The following COPG1 variants were observed in gnomAD, a reference collection of about 807,000 sequenced individuals.
COPG1 encodes the protein coat protein complex I subunit gamma 1.
Under a neutral mutation model 102.8 loss-of-function variants are expected in COPG1, and 29 were observed. The ratio of observed to expected loss-of-function variants is 0.28; its 90% CI spans 0.21 to 0.38. The LOEUF (loss-of-function observed/expected upper bound fraction) is 0.38, where lower values mean the gene tolerates loss of function less well. Ranked by LOEUF, COPG1 falls within the 10% of genes least tolerant of loss-of-function variation. The pLI is 1.00. For missense variants in COPG1, 875 were observed against 1,132.7 expected (o/e 0.77, Z 3.27); for synonymous variants, 406 against 421.6 (o/e 0.96, Z 0.45).
intron 15 of COPG1, among the ~76,000 whole-genome samples, 194 bp from the exon 16 acceptor site, chr3:129,267,743 T>G (rs188531167): frequency 3.4e-4 from 52 of 152,318 alleles, no homozygotes; most frequent in Admixed American, 4.6e-4. Context: ...AACCTGAGTT[T>G]AAAACATTTC....
At chr3:129,260,539 G>T in intron 11 of COPG1, 80 bp from the exon 12 acceptor site, 2 of 1,535,036 alleles carry the variant, frequency 1.3e-6, no homozygotes, top group Non-Finnish European at 1.8e-6. Context: ...TCATCCAAAG[G>T]ACTTCTGACT....
chr3:129,269,816 C>G (rs1393433571), intron 18 of COPG1, among the ~76,000 whole-genome samples: 2 of 151,886 alleles, frequency 1.3e-5, no homozygotes, highest in Non-Finnish European at 2.9e-5. Flanking sequence ...TTACCACAAA[C>G]TTAGTGGCTT....
intron 13 of COPG1, among the ~76,000 whole-genome samples, chr3:129,265,049 G>T (rs1233090135): frequency 6.6e-6 from 1 of 151,948 alleles, no homozygotes; most frequent in African/African-American, 2.4e-5. Flanking sequence ...TCAAACTCTT[G>T]ACCTCAGGTG....
chr3:129,265,467 C>T, intron 13 of COPG1, 82 bp from the exon 14 acceptor site: 1 of 1,526,914 alleles, frequency 6.5e-7, no homozygotes, highest in Non-Finnish European at 8.9e-7. Flanking sequence ...TGTGTTTGGA[C>T]AACTGTCCTT....
chr3:129,252,629 C>G lies in COPG1; in HGVS notation c.178C>G (p.His60Asp). The change falls in exon 4 of 24, where the codon CAC becomes GAC. Residue 60 changes from histidine to aspartate, a missense_variant. Physicochemically the swap from His to Asp is moderately conservative, Grantham distance 81 (BLOSUM62 -1). Coordinates refer to ENST00000314797, the MANE Select transcript of COPG1 (RefSeq NM_016128.4). ...KILYLINQGE[H>D]LGTTEATEAF... ...TCTTTCTTGATTAACACAGGGGGAG[C>G]ACCTGGGGACCACGGAAGCGACCGA... 6.2e-7 allele frequency: 1 copy of G among 1,613,660 alleles called. No homozygotes were observed. Among genetic ancestry groups the G allele is most frequent in the Non-Finnish European group, 8.5e-7 (1 of 1,179,626 alleles).
Position 129,254,986 on chromosome 3 carries a change from G to T in COPG1, c.401G>T (p.Ser134Ile), listed in dbSNP as rs1439062784. Residue 134 changes from serine to isoleucine, a missense_variant and splice_region_variant, in exon 7 of 24, where the codon AGC (serine) becomes ATC (isoleucine). Physicochemically the swap from Ser to Ile is moderately radical, Grantham distance 142. Transcript: ENST00000314797. ...CCACCCTGCTCCTTTTGCCCACAGA[G>T]CACCATGCTGCAGGCTATTGAGCGC... ...AVRALCQITD[S>I]TMLQAIERYM... is the part of the protein sequence containing the mutation. The T allele has an allele frequency of 1.2e-5, 20 of 1,613,738 alleles. No individual in the cohort carries two copies. Among genetic ancestry groups the T allele is most frequent in the Middle Eastern group, 3.3e-4 (2 of 6,082 alleles).
intron 1 of COPG1, among the ~76,000 whole-genome samples, chr3:129,250,115 G>T (rs556427608): frequency 1.3e-5 from 2 of 152,344 alleles, no homozygotes; most frequent in African/African-American, 2.4e-5. Context: ...AACCTGCGGA[G>T]CCAGCGTCCT....
In COPG1 at chr3:129,271,858, G is replaced by A. The variant is rs1940186748; in HGVS notation, c.1935G>A (p.Glu645=). ...TGGCCCTCACCGAGTCAGAGACGGAGTATGTCATCCGCTGCACCAAACACA... is the reference window on the plus strand; with the variant it reads ...TGGCCCTCACCGAGTCAGAGACGGAATATGTCATCCGCTGCACCAAACACA... ...EPVALTESET[E]YVIRCTKHTF... The change falls in exon 19 of 24, where the codon GAG becomes GAA. Residue 645 remains glutamate (E), a synonymous_variant. Transcript: ENST00000314797. This position sits in a 1 kb window ranked among gnomAD's most constrained non-coding sequence, Gnocchi z 4.7. The A allele has an allele frequency of 6.2e-7, 1 of 1,614,206 alleles. No homozygotes were observed. Among genetic ancestry groups the A allele is most frequent in the East Asian group, 2.2e-5 (1 of 44,886 alleles).
intron 4 of COPG1, 39 bp from the exon 5 acceptor site, chr3:129,252,837 G>A (rs754120922): frequency 6.2e-7 from 1 of 1,604,036 alleles, no homozygotes; most frequent in South Asian, 1.1e-5. Flanking sequence ...GGCCCTTGGT[G>A]AGCCCGGGCT....
intron 5 of COPG1, among the ~76,000 whole-genome samples, chr3:129,253,855 C>T (rs1939746894): frequency 6.6e-6 from 1 of 152,020 alleles, no homozygotes. Flanking sequence ...CAAAAATTAG[C>T]CAGGTGTGGT....
intron 2 of COPG1, among the ~76,000 whole-genome samples, chr3:129,251,047 C>G (rs1371576455): frequency 6.6e-6 from 1 of 150,450 alleles, no homozygotes; most frequent in African/African-American, 2.5e-5. Context: ...CCTCAGCCTC[C>G]CAAGTAGCTG....
Position 129,257,710 on chromosome 3 carries a change from C to T in COPG1, c.738-17C>T. The T allele has an allele frequency of 6.2e-7, 1 of 1,613,740 alleles. No homozygotes were observed. The highest frequency in any genetic ancestry group is 8.5e-7 in the Non-Finnish European group (1 of 1,179,654). On this transcript the variant is annotated splice_polypyrimidine_tract_variant and intron_variant, in intron 9 of 23. Transcript: ENST00000314797. The stretch of plus-strand genomic sequence containing the variant: ...GCCACCCCCAACGTTTTCTTGCCAC[C>T]CTATGTTCTTTTGTAGCCGTGACAG...
intron 5 of COPG1, among the ~76,000 whole-genome samples, chr3:129,253,352 C>G (rs1317294582): frequency 1.3e-5 from 2 of 152,124 alleles, no homozygotes; most frequent in Non-Finnish European, 2.9e-5. Context: ...TAATCACTGC[C>G]CTTAAGAACT....
intron 19 of COPG1, 96 bp from the exon 20 acceptor site, chr3:129,272,148 T>C (rs754845677): frequency 9.8e-6 from 12 of 1,220,572 alleles, no homozygotes; most frequent in Non-Finnish European, 1.4e-5. Context: ...GGAATCACCT[T>C]GGTCAATAGG....
intron 21 of COPG1, among the ~76,000 whole-genome samples, chr3:129,273,857 T>C (rs1258229893): frequency 6.6e-6 from 1 of 152,194 alleles, no homozygotes; most frequent in Non-Finnish European, 1.5e-5. Context: ...TTTCATGCAC[T>C]GGAATAGCCC....
Position 129,258,514 on chromosome 3 carries a change from G to A in COPG1, c.871+654G>A, listed in dbSNP as rs554289799. ...ACTATGTCGCCCAGGCTGGAGTGCA[G>A]TGGTGCGATCTCAGCTCACTGCAAC... is the stretch of plus-strand genomic sequence containing the variant. On this transcript the variant is annotated intron_variant, in intron 10 of 23. Coordinates refer to ENST00000314797, the MANE Select transcript of COPG1 (RefSeq NM_016128.4). Among the ~76,000 whole-genome samples the A allele has an allele frequency of 2.2e-4, 34 of 152,328 alleles. No individual in the cohort carries two copies. In the East Asian group the frequency reaches 6.6e-3, roughly 29 times the overall value.
In COPG1 at chr3:129,260,405, G is replaced by A. The variant is rs761725791; in HGVS notation, c.939+5G>A. ...GCTGTTCGTACCCTCAATAAGGTAA[G>A]AGTCCAGCTTGGGGGTTGGAGGAAG... On this transcript the variant is annotated splice_donor_5th_base_variant and intron_variant, in intron 11 of 23. Coordinates refer to ENST00000314797, the MANE Select transcript of COPG1 (RefSeq NM_016128.4). 11 of 1,613,932 alleles carry A rather than the reference G, an allele frequency of 6.8e-6. No homozygotes were observed. In the Admixed American group the frequency reaches 1.8e-4, roughly 27 times the overall value.
intron 18 of COPG1, among the ~76,000 whole-genome samples, chr3:129,269,701 C>T (rs1940149716): frequency 6.6e-6 from 1 of 152,146 alleles, no homozygotes; most frequent in South Asian, 2.1e-4. Flanking sequence ...CCATTACACT[C>T]AGAATCATGT....
chr3:129,262,048 C>T (rs1219763264), intron 12 of COPG1, among the ~76,000 whole-genome samples: 1 of 152,074 alleles, frequency 6.6e-6, no homozygotes, highest in East Asian at 1.9e-4. Context: ...GCAAAGTAGG[C>T]AGCAGTCTAC....
Sources: gnomAD v4.1 joint callset for allele counts (sites outside exome capture counted in the v4.1 genomes callset) on GRCh38, gnomAD v4.1.1 for gene constraint, Gnocchi (gnomAD v3.1) non-coding constraint, MANE v1.5 for transcripts, NCBI Gene and HGNC (gene_info 2026-07-23, HGNC 2026-07-21) for gene names.